The following NCAM2 variants were observed in gnomAD, a reference collection of about 807,000 sequenced individuals.
NCAM2 encodes the protein N-CAM-2.
In NCAM2, 30 loss-of-function variants were observed where a neutral mutation model predicts 98.1. That is an observed-to-expected ratio of 0.31 (90% CI 0.23 to 0.41). NCAM2 has a LOEUF of 0.41. Ranked by LOEUF, NCAM2 falls within the 10% of genes least tolerant of loss-of-function variation. The pLI is 1.00. For synonymous variants in NCAM2, 368 were observed against 342.4 expected (o/e 1.07, Z -0.83); for missense variants, 867 against 1,005.8 (o/e 0.86, Z 1.87).
At chr21:21,146,525 G>A (rs1465319666) in intron 1 of NCAM2, among the ~76,000 whole-genome samples, 2 of 140,676 alleles carry the variant, frequency 1.4e-5, no homozygotes, top group African/African-American at 5.4e-5. Flanking sequence ...GTGTATATGT[G>A]ATTATATAAA....
At chr21:21,502,571 GCCAAAATTTT>G (rs1987707867) in intron 15 of NCAM2, among the ~76,000 whole-genome samples, 1 of 151,732 alleles carries the variant, frequency 6.6e-6, no homozygotes, top group African/African-American at 2.4e-5. Context: ...ATAGACTTAG[GCCAAAATTTT>G]CCAAATATCA....
At position 21,448,507 on chromosome 21, in the gene NCAM2, A is replaced by AAAATAAAT. The variant is rs34765240; in HGVS notation, c.1654+16249_1654+16256dup. Among the ~76,000 whole-genome samples the AAAATAAAT allele has an allele frequency of 2.6e-4, 39 of 151,522 alleles. 1 individual carries two copies. Among genetic ancestry groups the AAAATAAAT allele is most frequent in the East Asian group, 1.4e-3 (7 of 5,134 alleles). ...GCACCTGTATCCTGGAAATTGAAGT[A>AAAATAAAT]AAATAAATAAATAAATAAATAAATA... is the stretch of plus-strand genomic sequence containing the variant. On this transcript the variant is annotated intron_variant, in intron 12 of 17. Transcript: ENST00000400546.
At chr21:21,414,602 T>A (rs1157213938) in intron 10 of NCAM2, among the ~76,000 whole-genome samples, 17 of 152,016 alleles carry the variant, frequency 1.1e-4, no homozygotes, top group East Asian at 7.8e-4. Flanking sequence ...CCCGAGTAGC[T>A]GGGATTACAG....
intron 1 of NCAM2, among the ~76,000 whole-genome samples, chr21:21,264,961 GTATATATACACATATATATTATA>G (rs201292225): frequency 1.9e-3 from 54 of 28,412 alleles, no homozygotes; most frequent in East Asian, 0.018. Flanking sequence ...ATGTGTATGT[GTATATATACACATATATATTATA>G]TATGTGTATG....
At chr21:21,408,983 TTTGCAGTAATAA>T (rs758049216) in intron 9 of NCAM2, among the ~76,000 whole-genome samples, 16,831 of 149,850 alleles carry the variant, frequency 0.11, 1,252 homozygotes, top group Middle Eastern at 0.2. Flanking sequence ...TTTTAAGTAG[TTTGCAGTAATAA>T]AATATTTAAA....
At chr21:21,447,610 C>A (rs894940062) in intron 12 of NCAM2, among the ~76,000 whole-genome samples, 3 of 151,994 alleles carry the variant, frequency 2.0e-5, no homozygotes, top group Non-Finnish European at 4.4e-5. Flanking sequence ...AACAGGCAAC[C>A]TACAGAGTGG....
intron 1 of NCAM2, among the ~76,000 whole-genome samples, chr21:21,275,409 C>T (rs2072691080): frequency 6.6e-6 from 1 of 151,302 alleles, no homozygotes; most frequent in African/African-American, 2.4e-5. Context: ...CACTGCACTC[C>T]AGCCTGGGCG....
chr21:21,015,242 C>T (rs969233369), intron 1 of NCAM2, among the ~76,000 whole-genome samples: 1 of 152,146 alleles, frequency 6.6e-6, no homozygotes, highest in African/African-American at 2.4e-5. Context: ...TTTTGAAAAG[C>T]ATTCTATTGT....
intron 1 of NCAM2, among the ~76,000 whole-genome samples, chr21:21,038,590 G>T (rs2146251879): frequency 6.6e-6 from 1 of 152,262 alleles, no homozygotes; most frequent in East Asian, 1.9e-4. Context: ...TTTCCTTGCT[G>T]CTGCCAAGTG....
At chr21:21,207,327 C>T (rs1036947486) in intron 1 of NCAM2, among the ~76,000 whole-genome samples, 1 of 152,056 alleles carries the variant, frequency 6.6e-6, no homozygotes, top group Admixed American at 6.6e-5. Flanking sequence ...AGAATGTTAT[C>T]TGTCTTGGAT....
intron 4 of NCAM2, among the ~76,000 whole-genome samples, chr21:21,286,981 GT>G (rs1173787471): frequency 6.6e-6 from 1 of 151,828 alleles, no homozygotes; most frequent in African/African-American, 2.4e-5. Flanking sequence ...TTATCTACAA[GT>G]TCTAAATATT....
intron 8 of NCAM2, among the ~76,000 whole-genome samples, chr21:21,350,288 A>G (rs2075299826): frequency 6.6e-6 from 1 of 152,188 alleles, no homozygotes; most frequent in South Asian, 2.1e-4. Context: ...TGATTAAGAT[A>G]GTAAATAAAT....
chr21:21,082,873 C>T (rs1164094907), intron 1 of NCAM2, among the ~76,000 whole-genome samples: 2 of 152,156 alleles, frequency 1.3e-5, no homozygotes, highest in East Asian at 3.9e-4. Context: ...GGAGCTCTTC[C>T]ACTCTGCGGG....
At chr21:21,464,774 A>C (rs566757058) in intron 12 of NCAM2, among the ~76,000 whole-genome samples, 7 of 152,236 alleles carry the variant, frequency 4.6e-5, no homozygotes, top group African/African-American at 1.7e-4. Flanking sequence ...GTGTAACTAT[A>C]TACTTTTCTG....
rs150736417 is a variant in NCAM2 at position 21,480,801 on chromosome 21, C to T, written c.2077+3330C>T. 3.7e-3 allele frequency among the ~76,000 whole-genome samples: 562 copies of T among 152,278 alleles called. 5 individuals are homozygous for T. The highest frequency in any genetic ancestry group is 0.013 in the African/African-American group (533 of 41,558). ...CTGACACATTATAAGTGTAGACTAA[C>T]GCTGCCTTTGCAATAGATTGGATTC... On this transcript the variant is annotated intron_variant, in intron 15 of 17. Coordinates refer to ENST00000400546, the MANE Select transcript of NCAM2 (RefSeq NM_004540.5).
At chr21:21,286,176 T>G in intron 3 of NCAM2, 93 bp from the exon 4 acceptor site, 1 of 1,298,614 alleles carries the variant, frequency 7.7e-7, no homozygotes, top group African/African-American at 1.5e-5. Context: ...TTTATTATAG[T>G]ATCAATAGAG....
At chr21:21,339,524 A>G (rs960072314) in intron 8 of NCAM2, among the ~76,000 whole-genome samples, 2 of 152,168 alleles carry the variant, frequency 1.3e-5, no homozygotes, top group African/African-American at 4.8e-5. Context: ...GAAGATTATA[A>G]CATTAGGCTA....
intron 1 of NCAM2, chr21:21,210,522 G>T (rs1454423665): frequency 7.8e-7 from 1 of 1,284,336 alleles, no homozygotes; most frequent in Non-Finnish European, 1.0e-6. Context: ...GAGACTTAAA[G>T]AACAATTTCT....
intron 6 of NCAM2, among the ~76,000 whole-genome samples, chr21:21,329,382 A>G (rs2074610431): frequency 6.6e-6 from 1 of 152,184 alleles, no homozygotes; most frequent in South Asian, 2.1e-4. Context: ...TTTGCAGCCT[A>G]GGAGAAATAG....
Sources: allele counts gnomAD v4.1 joint callset (sites outside exome capture counted in the v4.1 genomes callset), GRCh38; gene constraint gnomAD v4.1.1; transcripts MANE v1.5; gene names NCBI Gene and HGNC (gene_info 2026-07-23, HGNC 2026-07-21).